HELZ: variants seen among roughly 807,000 people sequenced by gnomAD.
The protein encoded by HELZ is ATP-dependent RNA helicase with zinc finger domain.
In HELZ, 23 loss-of-function variants were observed where a neutral mutation model predicts 218.2. The observed-to-expected ratio is 0.11, with a 90% confidence interval of 0.08 to 0.15. HELZ has a LOEUF of 0.15. HELZ is among the 10% of genes least tolerant of loss of function. HELZ has a pLI of 1.00. For missense variants in HELZ, 1,813 were observed against 2,353.7 expected (o/e 0.77, Z 4.75); for synonymous variants, 814 against 829.4 (o/e 0.98, Z 0.32).
At chr17:67,082,535 T>C (rs564275814) in intron 32 of HELZ, among the ~76,000 whole-genome samples, 1 of 152,228 alleles carries the variant, frequency 6.6e-6, no homozygotes, top group Non-Finnish European at 1.5e-5. Flanking sequence ...TTATTCAATA[T>C]GCTAATTTTA....
At chr17:67,201,251 C>A in intron 6 of HELZ, 66 bp from the exon 7 acceptor site, 1 of 970,584 alleles carries the variant, frequency 1.0e-6, no homozygotes, top group South Asian at 1.4e-5. Context: ...GGCAACTTAG[C>A]TCAATTCCTC....
rs772619363 is a variant in HELZ, at chr17:67,107,612, G to A, written c.4798C>T (p.Pro1600Ser). The A allele has an allele frequency of 1.9e-6, 3 of 1,614,144 alleles. No homozygotes were observed. The highest frequency in any genetic ancestry group is 1.7e-6 in the Non-Finnish European group (2 of 1,179,982). The part of the protein sequence containing the change: ...ETRELAEMPP[P>S]QSRLLQYRQV... ...CTATATTGCAAAAGTCTTGATTGAG[G>A]TGGTGGCATTTCAGCTAGTTCCCGT... The change falls in exon 31 of 33, where the codon CCT (proline) becomes TCT (serine). Residue 1600 changes from proline (P) to serine (S), a missense_variant. Coordinates refer to ENST00000358691, the MANE Select transcript of HELZ (RefSeq NM_014877.4).
At chr17:67,100,097 A>G (rs1274170380) in intron 31 of HELZ, among the ~76,000 whole-genome samples, 1 of 152,218 alleles carries the variant, frequency 6.6e-6, no homozygotes, top group East Asian at 1.9e-4. Context: ...TAAAGTGAGA[A>G]TAGGCAATAA....
At chr17:67,096,855 T>C (rs1456356375) in intron 31 of HELZ, among the ~76,000 whole-genome samples, 1 of 152,254 alleles carries the variant, frequency 6.6e-6, no homozygotes, top group Non-Finnish European at 1.5e-5. Context: ...GTATATTCAC[T>C]GAAGTAGCAC....
chr17:67,173,465 T>A (rs1349535058), intron 13 of HELZ, among the ~76,000 whole-genome samples: 2 of 152,148 alleles, frequency 1.3e-5, no homozygotes, highest in African/African-American at 4.8e-5. Flanking sequence ...GAACACTCAA[T>A]AGACTGAAAA....
intron 32 of HELZ, among the ~76,000 whole-genome samples, chr17:67,080,417 C>T (rs1166981016): frequency 1.3e-5 from 2 of 152,204 alleles, no homozygotes; most frequent in African/African-American, 2.4e-5. Flanking sequence ...TCCTCCTCTA[C>T]CTCTTTTCAG....
At chr17:67,120,996 T>C (rs889583214) in intron 26 of HELZ, among the ~76,000 whole-genome samples, 1 of 152,184 alleles carries the variant, frequency 6.6e-6, no homozygotes, top group African/African-American at 2.4e-5. Flanking sequence ...CATAATTGCA[T>C]AGAAACATAG....
At chr17:67,234,313 GAAAA>G (rs1861761188) in intron 3 of HELZ, among the ~76,000 whole-genome samples, 1 of 132,678 alleles carries the variant, frequency 7.5e-6, no homozygotes, top group Admixed American at 7.3e-5. Flanking sequence ...AAAAAAGAAA[GAAAA>G]AAGAAAAAAA....
At chr17:67,143,720 T>C (rs2038406622) in intron 21 of HELZ, among the ~76,000 whole-genome samples, 1 of 152,092 alleles carries the variant, frequency 6.6e-6, no homozygotes. Flanking sequence ...GGATATAAGT[T>C]CAGAATCAAG....
At chr17:67,186,980 A>T (rs1433520721) in intron 12 of HELZ, among the ~76,000 whole-genome samples, 1 of 152,134 alleles carries the variant, frequency 6.6e-6, no homozygotes, top group Non-Finnish European at 1.5e-5. Context: ...GTTTTATTGG[A>T]ACACAGTCAC....
chr17:67,089,662 T>TAGAG (rs1296400940), intron 31 of HELZ, among the ~76,000 whole-genome samples: 1 of 44,064 alleles, frequency 2.3e-5, no homozygotes, highest in Non-Finnish European at 4.1e-5. Flanking sequence ...TATATATATA[T>TAGAG]ATATATAGAG....
intron 4 of HELZ, among the ~76,000 whole-genome samples, chr17:67,218,107 G>C (rs1483059261): frequency 6.6e-6 from 1 of 151,684 alleles, no homozygotes; most frequent in Admixed American, 6.6e-5. Context: ...GCTAATTTTT[G>C]TATTTTTAGT....
At chr17:67,144,211 A>T (rs185388024) in intron 21 of HELZ, among the ~76,000 whole-genome samples, 50 of 152,238 alleles carry the variant, frequency 3.3e-4, no homozygotes, top group African/African-American at 1.2e-3. Context: ...AAATATGCCT[A>T]TACTGGTATT....
chr17:67,151,264 T>G (rs377730216), intron 17 of HELZ, 40 bp from the exon 18 acceptor site: 76 of 1,496,786 alleles, frequency 5.1e-5, no homozygotes, highest in Middle Eastern at 3.5e-4. Context: ...CATTTACTAA[T>G]TTCTTAACAG....
At chr17:67,163,026 T>C (rs565705266) in intron 15 of HELZ, among the ~76,000 whole-genome samples, 8 of 152,326 alleles carry the variant, frequency 5.3e-5, no homozygotes. Context: ...ACCTGACCAC[T>C]GTGATTCTAT....
At chr17:67,135,855 G>A (rs1198483986) in intron 23 of HELZ, 115 bp downstream of exon 23, 1 of 771,946 alleles carries the variant, frequency 1.3e-6, no homozygotes, top group African/African-American at 1.8e-5. Context: ...CTGGATATCA[G>A]GCTACAATAA....
chr17:67,169,353 G>T (rs893363829), intron 13 of HELZ, among the ~76,000 whole-genome samples: 1 of 152,122 alleles, frequency 6.6e-6, no homozygotes, highest in Non-Finnish European at 1.5e-5. Flanking sequence ...AGATCAAGGG[G>T]CTGGCATATG....
At chr17:67,141,662 T>C (rs2038329402) in intron 21 of HELZ, among the ~76,000 whole-genome samples, 1 of 151,990 alleles carries the variant, frequency 6.6e-6, no homozygotes, top group Non-Finnish European at 1.5e-5. Context: ...TAATAAAAAT[T>C]TGAAGTAGAT....
intron 4 of HELZ, among the ~76,000 whole-genome samples, chr17:67,217,899 G>A (rs2143293890): frequency 6.6e-6 from 1 of 150,762 alleles, no homozygotes; most frequent in African/African-American, 2.4e-5. Flanking sequence ...AATCTATGGT[G>A]GGGTTTTTTT....
Sources: gnomAD v4.1 joint callset for allele counts (sites outside exome capture counted in the v4.1 genomes callset) on GRCh38, gnomAD v4.1.1 for gene constraint, MANE v1.5 for transcripts, NCBI Gene and HGNC (gene_info 2026-07-23, HGNC 2026-07-21) for gene names.